The following DDR2 variants were observed in gnomAD, a reference collection of about 807,000 sequenced individuals.
DDR2 encodes discoidin domain-containing receptor 2.
A neutral mutation model predicts 94.9 loss-of-function variants in DDR2; 27 were observed. The ratio of observed to expected loss-of-function variants is 0.28; its 90% CI spans 0.21 to 0.39. DDR2 has a LOEUF of 0.39. Among genes scored for constraint, DDR2 ranks in the 10% least tolerant of loss-of-function variants. DDR2 has a pLI of 1.00. For synonymous variants in DDR2, 382 were observed against 377.2 expected, an observed-to-expected ratio of 1.01 and a Z score of -0.15; for missense variants, 783 against 1,076.0, an observed-to-expected ratio of 0.73 and a Z score of 3.81.
At chr1:162,704,924 A>T (rs1660594005) in intron 2 of DDR2, 1 of 152,244 alleles carries the variant, frequency 6.6e-6, no homozygotes, top group Non-Finnish European at 1.5e-5. Context: ...GGCCTGCCAG[A>T]ATCCCCTGAA....
At chr1:162,654,869 A>G (rs1385504392) in intron 1 of DDR2, among the ~76,000 whole-genome samples, 2 of 152,228 alleles carry the variant, frequency 1.3e-5, no homozygotes, top group Non-Finnish European at 2.9e-5. Flanking sequence ...AAAAAATGTA[A>G]AATGATGTCA....
chr1:162,756,736 C>A (rs1346983380), intron 7 of DDR2, among the ~76,000 whole-genome samples: 2 of 152,126 alleles, frequency 1.3e-5, no homozygotes, highest in Non-Finnish European at 2.9e-5. Context: ...TGGGTGAAGA[C>A]CTGATTCATC....
chr1:162,741,635 A>G (rs778675246), intron 3 of DDR2: 3 of 985,280 alleles, frequency 3.0e-6, no homozygotes, highest in African/African-American at 1.7e-5. Flanking sequence ...AGATCCAGGA[A>G]TGCCTGCCTT....
At chr1:162,729,311 T>G (rs1003838878) in intron 3 of DDR2, among the ~76,000 whole-genome samples, 10 of 140,176 alleles carry the variant, frequency 7.1e-5, no homozygotes, top group African/African-American at 2.7e-4. Flanking sequence ...TTTTTTTTTT[T>G]TTTTTTTTTC....
rs1212499835 is a variant in DDR2, at chr1:162,754,736, G to A, written c.298G>A (p.Val100Met). 1.2e-6 allele frequency: 2 copies of A among 1,614,106 alleles called. No homozygotes were observed. Among genetic ancestry groups the A allele is most frequent in the Non-Finnish European group, 1.7e-6 (2 of 1,179,998 alleles). ...DLHTLHFITL[V>M]GTQGRHAGGH... is the part of the protein sequence containing the mutation. The stretch of plus-strand genomic sequence containing the variant: ...GCACACCCTCCATTTTATCACTCTG[G>A]TGGGGACCCAGGGGCGCCATGCAGG... The change falls in exon 5 of 18, where the codon GTG becomes ATG. Residue 100 changes from valine (V) to methionine (M), a missense_variant. Coordinates refer to ENST00000367921, the MANE Select transcript of DDR2 (RefSeq NM_006182.4).
intron 3 of DDR2, among the ~76,000 whole-genome samples, chr1:162,741,177 T>TAAC (rs1662568486): frequency 7.3e-6 from 1 of 137,618 alleles, no homozygotes; most frequent in African/African-American, 2.9e-5. Context: ...TATAATATAA[T>TAAC]ATAATATAAC....
At chr1:162,713,110 G>A (rs1228389965) in intron 2 of DDR2, among the ~76,000 whole-genome samples, 1 of 152,174 alleles carries the variant, frequency 6.6e-6, no homozygotes, top group Non-Finnish European at 1.5e-5. Context: ...ATGATGTAAT[G>A]CATCTATAAG....
Position 162,755,264 on chromosome 1 carries a change from G to T in DDR2, c.526G>T (p.Val176Leu). ...TCCAGTCACCGACCACTCCATGAAT[G>T]TGTGTATGAGAGTGGAGCTTTACGG... ...FIPVTDHSMN[V>L]CMRVELYGCV... The change falls in exon 6 of 18, where the codon GTG (valine) becomes TTG (leucine). Residue 176 changes from valine (V) to leucine (L), a missense_variant. Physicochemically the swap from Val to Leu is conservative, Grantham distance 32. Transcript: ENST00000367921. 6.2e-7 allele frequency: 1 copy of T among 1,613,988 alleles called. No individual in the cohort carries two copies. Among genetic ancestry groups the T allele is most frequent in the Non-Finnish European group, 8.5e-7 (1 of 1,180,010 alleles).
chr1:162,674,644 T>C (rs909962657), intron 2 of DDR2, among the ~76,000 whole-genome samples: 1 of 152,244 alleles, frequency 6.6e-6, no homozygotes. Flanking sequence ...ATCTCTGTTT[T>C]ATTTTTACCT....
intron 3 of DDR2, among the ~76,000 whole-genome samples, chr1:162,750,892 G>A (rs1196269213): frequency 3.3e-5 from 5 of 152,094 alleles, no homozygotes; most frequent in African/African-American, 4.8e-5. Flanking sequence ...ACAAGCAATG[G>A]GGAAAGGATT....
chr1:162,649,447 A>G (rs773686567), intron 1 of DDR2, among the ~76,000 whole-genome samples: 136 of 152,192 alleles, frequency 8.9e-4, no homozygotes, highest in Non-Finnish European at 9.7e-4. Flanking sequence ...AGGCTTTGCC[A>G]CTAACTGGTG....
At chr1:162,664,901 A>T (rs1390761225) in intron 2 of DDR2, among the ~76,000 whole-genome samples, 2 of 152,200 alleles carry the variant, frequency 1.3e-5, no homozygotes, top group Non-Finnish European at 2.9e-5. Flanking sequence ...ACTCTTGGGA[A>T]TATCTTTCCT....
chr1:162,658,236 A>G (rs1026286374), intron 2 of DDR2, among the ~76,000 whole-genome samples: 1 of 152,162 alleles, frequency 6.6e-6, no homozygotes, highest in Non-Finnish European at 1.5e-5. Context: ...TTTCTAGGGC[A>G]TGAAGACAGG....
At chr1:162,751,935 G>A (rs1368618052) in intron 3 of DDR2, among the ~76,000 whole-genome samples, 2 of 152,144 alleles carry the variant, frequency 1.3e-5, no homozygotes, top group Non-Finnish European at 2.9e-5. Context: ...TCATGAGTGG[G>A]AATTGAACAG....
intron 2 of DDR2, among the ~76,000 whole-genome samples, chr1:162,690,247 A>T (rs1212153621): frequency 6.6e-6 from 1 of 152,136 alleles, no homozygotes; most frequent in Non-Finnish European, 1.5e-5. Context: ...TAATCTGCTC[A>T]TAGTCACAAA....
intron 2 of DDR2, among the ~76,000 whole-genome samples, chr1:162,657,837 C>T (rs963586474): frequency 6.6e-6 from 1 of 152,018 alleles, no homozygotes; most frequent in Admixed American, 6.6e-5. Context: ...CCCTTCCCCT[C>T]CCCACTCCCC....
intron 1 of DDR2, among the ~76,000 whole-genome samples, chr1:162,645,204 C>T (rs972472479): frequency 6.6e-6 from 1 of 152,166 alleles, no homozygotes; most frequent in Non-Finnish European, 1.5e-5. Context: ...GAGTAGACAG[C>T]CCTGAACAAA....
intron 2 of DDR2, among the ~76,000 whole-genome samples, chr1:162,673,665 A>G (rs1658992869): frequency 6.7e-6 from 1 of 149,460 alleles, no homozygotes; most frequent in African/African-American, 2.5e-5. Context: ...GAGAGCCAGA[A>G]TCTGTTTTTT....
chr1:162,707,575 G>C (rs561959861), intron 2 of DDR2, among the ~76,000 whole-genome samples: 21 of 152,316 alleles, frequency 1.4e-4, no homozygotes, highest in African/African-American at 4.8e-4. Flanking sequence ...GCATGAAGCT[G>C]CTTGCTCATT....
Sources: allele counts gnomAD v4.1 joint callset (sites outside exome capture counted in the v4.1 genomes callset), GRCh38; gene constraint gnomAD v4.1.1; transcripts MANE v1.5; gene names NCBI Gene and HGNC (gene_info 2026-07-23, HGNC 2026-07-21).